The following IQCM variants were observed in gnomAD, a reference collection of about 807,000 sequenced individuals.
IQCM encodes IQ motif containing M.
IQCM carries 45 observed loss-of-function variants against 57.6 expected under a neutral mutation model. The observed-to-expected ratio is 0.78, with a 90% CI of 0.62 to 1.00. The LOEUF is 1.00. Among genes scored for constraint, IQCM ranks in the 50% least tolerant of loss-of-function variants. The pLI, the probability that IQCM is intolerant of heterozygous loss-of-function variation, is 0.00. For synonymous variants in IQCM, 148 were observed against 158.9 expected (o/e 0.93, Z 0.51); for missense variants, 468 against 511.6 (o/e 0.91, Z 0.82).
chr4:149,437,034 G>A (rs1735429442), intron 12 of IQCM, among the ~76,000 whole-genome samples: 1 of 152,112 alleles, frequency 6.6e-6, no homozygotes, highest in Non-Finnish European at 1.5e-5. Flanking sequence ...CTGAAGCATA[G>A]GGAGGTTACA....
At chr4:149,640,288 C>G (rs953946373) in intron 7 of IQCM, among the ~76,000 whole-genome samples, 2 of 152,068 alleles carry the variant, frequency 1.3e-5, no homozygotes, top group Admixed American at 1.3e-4. Context: ...CTTTGTGTTA[C>G]AAACAATCCA....
chr4:149,723,592 T>C (rs1052417177), intron 5 of IQCM, among the ~76,000 whole-genome samples: 1 of 152,070 alleles, frequency 6.6e-6, no homozygotes, highest in East Asian at 1.9e-4. Context: ...ATCACACTTA[T>C]TGACTTGCAC....
chr4:149,540,646 G>A (rs1388154423), intron 12 of IQCM, among the ~76,000 whole-genome samples: 1 of 151,944 alleles, frequency 6.6e-6, no homozygotes, highest in Non-Finnish European at 1.5e-5. Context: ...TGTGAGCTGC[G>A]ATTTGCACCA....
chr4:149,737,999 AGTCACTG>A (rs1392451363), intron 3 of IQCM, among the ~76,000 whole-genome samples: 1 of 152,178 alleles, frequency 6.6e-6, no homozygotes, highest in East Asian at 1.9e-4. Context: ...TAATATATTA[AGTCACTG>A]GTTTTTTGTT....
chr4:149,705,984 T>C (rs754566422), intron 5 of IQCM, among the ~76,000 whole-genome samples: 87 of 152,092 alleles, frequency 5.7e-4, no homozygotes, highest in Admixed American at 7.9e-4. Context: ...AATAAGTAAT[T>C]ATTAATTGGT....
At chr4:149,352,856 C>T (rs747761157) in intron 13 of IQCM, among the ~76,000 whole-genome samples, 13 of 152,046 alleles carry the variant, frequency 8.6e-5, no homozygotes, top group Non-Finnish European at 1.6e-4. Context: ...TTTACTGTGG[C>T]CACCATTATA....
At chr4:149,586,819 T>C (rs763957274) in intron 9 of IQCM, among the ~76,000 whole-genome samples, 5 of 151,736 alleles carry the variant, frequency 3.3e-5, no homozygotes, top group Non-Finnish European at 7.4e-5. Context: ...TTTTTTAAGT[T>C]TTGAACATTT....
chr4:149,710,402 T>C (rs1190656173), intron 5 of IQCM, among the ~76,000 whole-genome samples: 1 of 152,098 alleles, frequency 6.6e-6, no homozygotes, highest in African/African-American at 2.4e-5. Context: ...AGAAACTGTC[T>C]AGGAGCTCCA....
At chr4:149,645,467 C>A (rs1758552446) in intron 7 of IQCM, among the ~76,000 whole-genome samples, 2 of 152,078 alleles carry the variant, frequency 1.3e-5, no homozygotes, top group South Asian at 4.1e-4. Flanking sequence ...AATGAATTTT[C>A]ACAATGTCTT....
chr4:149,599,856 T>C (rs1754111591), intron 8 of IQCM, among the ~76,000 whole-genome samples: 1 of 152,216 alleles, frequency 6.6e-6, no homozygotes, highest in African/African-American at 2.4e-5. Context: ...ACTAATTTTT[T>C]ATTGGCTGGA....
intron 5 of IQCM, among the ~76,000 whole-genome samples, chr4:149,708,543 T>C (rs1258679289): frequency 6.6e-6 from 1 of 152,030 alleles, no homozygotes; most frequent in Non-Finnish European, 1.5e-5. Flanking sequence ...ATAATTGCCT[T>C]TTGAGAAATA....
At chr4:149,605,106 A>G (rs1754659236) in intron 8 of IQCM, among the ~76,000 whole-genome samples, 1 of 152,176 alleles carries the variant, frequency 6.6e-6, no homozygotes, top group Non-Finnish European at 1.5e-5. Context: ...GTGCTCCCCA[A>G]ATATCTTTCC....
At chr4:149,605,733 T>A (rs749986273) in intron 8 of IQCM, among the ~76,000 whole-genome samples, 23 of 152,144 alleles carry the variant, frequency 1.5e-4, no homozygotes, top group Non-Finnish European at 2.9e-4. Context: ...GGGGTGTACA[T>A]GACTCAATGT....
At chr4:149,727,013 G>T (rs1766008770) in intron 5 of IQCM, among the ~76,000 whole-genome samples, 1 of 151,996 alleles carries the variant, frequency 6.6e-6, no homozygotes, top group Non-Finnish European at 1.5e-5. Context: ...GCCTCCCAAA[G>T]TGCTGGGATT....
chr4:149,432,977 G>T (rs1489290632), intron 13 of IQCM, among the ~76,000 whole-genome samples: 6 of 151,994 alleles, frequency 3.9e-5, no homozygotes, highest in Non-Finnish European at 4.4e-5. Context: ...TGTACCAACT[G>T]TTGATAGAGC....
chr4:149,791,870 C>T (rs1389280556), intron 2 of IQCM, among the ~76,000 whole-genome samples: 4 of 152,082 alleles, frequency 2.6e-5, no homozygotes, highest in African/African-American at 4.8e-5. Flanking sequence ...CATTGGAATG[C>T]TAAATCTTAA....
chr4:149,707,690 G>A (rs1264474089), intron 5 of IQCM, among the ~76,000 whole-genome samples: 2 of 151,940 alleles, frequency 1.3e-5, no homozygotes, highest in Admixed American at 1.3e-4. Flanking sequence ...TGACATGGAT[G>A]GAAAGCTCAG....
At chr4:149,771,571 C>T (rs977094726) in intron 2 of IQCM, among the ~76,000 whole-genome samples, 4 of 152,004 alleles carry the variant, frequency 2.6e-5, no homozygotes, top group African/African-American at 7.2e-5. Context: ...CACATCTTTA[C>T]TTCTTGGTTG....
Position 149,731,300 on chromosome 4 carries a change from C to T in IQCM, c.385+1944G>A, listed in dbSNP as rs6846593. On this transcript the variant is annotated intron_variant, in intron 5 of 13. Coordinates refer to ENST00000636793, the MANE Select transcript of IQCM (RefSeq NM_001363507.2). ...GCTGCTAGCCCTTTTCCCTTCCATCCCTTCCACCATGTGAAGACACAGCTT... is the reference window on the plus strand; with the variant it reads ...GCTGCTAGCCCTTTTCCCTTCCATCTCTTCCACCATGTGAAGACACAGCTT... Among the ~76,000 whole-genome samples the T allele has an allele frequency of 8.8e-3, 1,340 of 152,198 alleles. 8 individuals carry two copies. The highest frequency in any genetic ancestry group is 0.03 in the African/African-American group (1,238 of 41,512).
Sources: allele counts gnomAD v4.1 joint callset (sites outside exome capture counted in the v4.1 genomes callset), GRCh38; gene constraint gnomAD v4.1.1; transcripts MANE v1.5; gene names NCBI Gene and HGNC (gene_info 2026-07-23, HGNC 2026-07-21).